Variants in C9 observed in about 807,000 individuals in gnomAD.
The protein encoded by C9 is complement component C9.
In C9, 63 loss-of-function variants were observed where a neutral mutation model predicts 65.4. That is an observed-to-expected ratio of 0.96 (90% CI 0.79 to 1.19). The LOEUF (loss-of-function observed/expected upper bound fraction) is 1.19. Ranked by LOEUF, C9 falls within the 50% of genes most tolerant of loss-of-function variation. The pLI, the probability that C9 is intolerant of heterozygous loss-of-function variation, is 0.00. For synonymous variants in C9, 229 were observed against 227.9 expected, an observed-to-expected ratio of 1.00 and a Z score of -0.04; for missense variants, 744 against 670.1, an observed-to-expected ratio of 1.11 and a Z score of -1.22.
chr5:39,324,553 A>G (rs1003536619), intron 5 of C9, among the ~76,000 whole-genome samples: 1 of 152,182 alleles, frequency 6.6e-6, no homozygotes, highest in African/African-American at 2.4e-5. Context: ...ATGTTGTTGA[A>G]TGGCTCAAGA....
At chr5:39,317,603 C>G (rs1183394972) in intron 5 of C9, among the ~76,000 whole-genome samples, 1 of 152,092 alleles carries the variant, frequency 6.6e-6, no homozygotes, top group Non-Finnish European at 1.5e-5. Flanking sequence ...ATAGGGAATC[C>G]TTTTCCCATT....
chr5:39,362,960 G>T (rs544504881), intron 1 of C9, among the ~76,000 whole-genome samples: 2 of 152,102 alleles, frequency 1.3e-5, no homozygotes, highest in African/African-American at 4.8e-5. Flanking sequence ...GGGCTTTCCG[G>T]TCCTCCCTGA....
At position 39,284,251 on chromosome 5, in the gene C9, T is replaced by C. The variant is rs1332178009; in HGVS notation, c.*948A>G. On this transcript the variant is annotated 3_prime_UTR_variant, in exon 11 of 11. Transcript: ENST00000263408. ...CATTTTGCATTTTTTTATTTTGATA[T>C]ATTTTTCCTCTTTTCTTTCTTTCTT... is the stretch of plus-strand genomic sequence containing the variant. The C allele has an allele frequency of 6.6e-6, 1 of 152,198 alleles. No homozygotes were observed. 9.4% of individuals were successfully genotyped at this position (152,198 alleles called of 1,614,324 possible). A position where few individuals can be genotyped will look rare whatever the true frequency, so the allele number is the denominator to read the frequency against.
chr5:39,347,377 AACAG>A (rs1400380765), intron 1 of C9, among the ~76,000 whole-genome samples: 2 of 152,172 alleles, frequency 1.3e-5, no homozygotes, highest in African/African-American at 4.8e-5. Context: ...ACACACCAAT[AACAG>A]ACAAACAGAG....
chr5:39,363,955 C>A (rs1277242588), intron 1 of C9, among the ~76,000 whole-genome samples: 2 of 152,150 alleles, frequency 1.3e-5, no homozygotes, highest in African/African-American at 4.8e-5. Context: ...AAATAGTTAA[C>A]CTTTGCCTAA....
rs1752950558 is a variant in C9, at chr5:39,284,384, G to A, written c.*815C>T. On this transcript the variant is annotated 3_prime_UTR_variant, in exon 11 of 11. Coordinates refer to ENST00000263408, the MANE Select transcript of C9 (RefSeq NM_001737.5). The stretch of plus-strand genomic sequence containing the variant: ...CCAATGTTAATCAGCTTCTCAGGTA[G>A]GTAACCTTACCTTATACAACTCATA... 1 of 152,042 alleles carries A rather than the reference G, an allele frequency of 6.6e-6. No individual in the cohort carries two copies. The highest frequency in any genetic ancestry group is 1.5e-5 in the Non-Finnish European group (1 of 67,994). The allele number at this position is 152,042 out of a possible 1,614,324, so 9.4% of individuals were successfully genotyped here.
chr5:39,321,959 A>G (rs995701405), intron 5 of C9, among the ~76,000 whole-genome samples: 1 of 152,064 alleles, frequency 6.6e-6, no homozygotes, highest in Non-Finnish European at 1.5e-5. Flanking sequence ...AGAGAAAATT[A>G]TTAAGGAAAC....
At chr5:39,335,338 G>T (rs1415581002) in intron 4 of C9, among the ~76,000 whole-genome samples, 2 of 152,184 alleles carry the variant, frequency 1.3e-5, no homozygotes, top group Non-Finnish European at 2.9e-5. Flanking sequence ...CATGCAAATT[G>T]TGTTCAAATT....
intron 1 of C9, among the ~76,000 whole-genome samples, chr5:39,360,251 A>G (rs866520139): frequency 1.7e-4 from 26 of 152,058 alleles, no homozygotes; most frequent in African/African-American, 6.3e-4. Context: ...CATCCCTTAG[A>G]TATCTACTAC....
chr5:39,341,433 G>A (rs1380797725), intron 3 of C9, 123 bp downstream of exon 3: 2 of 1,404,944 alleles, frequency 1.4e-6, no homozygotes, highest in South Asian at 1.2e-5. Flanking sequence ...ATATATAGAT[G>A]GCCTCTTTTG....
At chr5:39,319,253 T>A (rs1327302765) in intron 5 of C9, among the ~76,000 whole-genome samples, 1 of 152,190 alleles carries the variant, frequency 6.6e-6, no homozygotes, top group Non-Finnish European at 1.5e-5. Flanking sequence ...CAAAATAAAA[T>A]GAAAACCACT....
chr5:39,316,974 A>C (rs1028450952), intron 5 of C9, among the ~76,000 whole-genome samples: 2 of 152,198 alleles, frequency 1.3e-5, no homozygotes, highest in Admixed American at 6.5e-5. Context: ...ACACTGTAAA[A>C]GCGTTCCTTT....
intron 8 of C9, among the ~76,000 whole-genome samples, chr5:39,307,559 AT>A (rs1476285022): frequency 1.3e-5 from 2 of 152,112 alleles, no homozygotes; most frequent in African/African-American, 4.8e-5. Context: ...ATGCTTTTAA[AT>A]ATATCAGGTT....
intron 1 of C9, among the ~76,000 whole-genome samples, chr5:39,351,753 G>T: frequency 6.6e-6 from 1 of 152,110 alleles, no homozygotes; most frequent in Non-Finnish European, 1.5e-5. Flanking sequence ...ATCACTATCA[G>T]CATTTTGGCC....
chr5:39,299,469 T>C (rs1228247795), intron 9 of C9, among the ~76,000 whole-genome samples: 2 of 152,106 alleles, frequency 1.3e-5, no homozygotes, highest in Non-Finnish European at 2.9e-5. Flanking sequence ...GTTTAATCTA[T>C]ATCATGGAAC....
intron 5 of C9, among the ~76,000 whole-genome samples, chr5:39,325,404 T>C (rs962925372): frequency 3.3e-5 from 5 of 152,212 alleles, no homozygotes; most frequent in Non-Finnish European, 5.9e-5. Context: ...AACGTTTGTG[T>C]GCTCTAGGAC....
At chr5:39,351,313 C>T (rs1273753650) in intron 1 of C9, among the ~76,000 whole-genome samples, 6 of 152,202 alleles carry the variant, frequency 3.9e-5, no homozygotes, top group Non-Finnish European at 5.9e-5. Context: ...CTGAAATGCC[C>T]TGGAGGCATT....
intron 9 of C9, among the ~76,000 whole-genome samples, chr5:39,302,056 G>T (rs1384192016): frequency 6.6e-6 from 1 of 151,864 alleles, no homozygotes; most frequent in East Asian, 1.9e-4. Context: ...GGGTCATGAA[G>T]GAAATACAAT....
chr5:39,343,562 G>A (rs1754131753), intron 1 of C9, among the ~76,000 whole-genome samples: 1 of 152,204 alleles, frequency 6.6e-6, no homozygotes, highest in Non-Finnish European at 1.5e-5. Flanking sequence ...ACAGCTCAAG[G>A]AGGCCTGCCT....
Sources: gnomAD v4.1 joint callset for allele counts (sites outside exome capture counted in the v4.1 genomes callset) on GRCh38, gnomAD v4.1.1 for gene constraint, MANE v1.5 for transcripts, NCBI Gene and HGNC (gene_info 2026-07-23, HGNC 2026-07-21) for gene names.